MYO16: variants seen among roughly 807,000 people sequenced by gnomAD.
MYO16 encodes unconventional myosin-XVI.
A neutral mutation model predicts 205.3 loss-of-function variants in MYO16; 94 were observed. The ratio of observed to expected loss-of-function variants is 0.46; its 90% CI spans 0.39 to 0.54. The LOEUF is 0.54. MYO16 is among the 20% of genes least tolerant of loss of function. MYO16 has a pLI of 0.00. For missense variants in MYO16, 2,315 were observed against 2,387.5 expected, an observed-to-expected ratio of 0.97 and a Z score of 0.63; for synonymous variants, 988 against 954.0, an observed-to-expected ratio of 1.04 and a Z score of -0.66.
intron 16 of MYO16, among the ~76,000 whole-genome samples, chr13:108,917,269 C>G (rs565951735): frequency 2.1e-4 from 32 of 152,322 alleles, no homozygotes; most frequent in African/African-American, 7.5e-4. Flanking sequence ...TCCCGGGCCC[C>G]TAAGTTAAGG....
chr13:109,022,927 A>G (rs902315501), intron 23 of MYO16, among the ~76,000 whole-genome samples: 14 of 135,904 alleles, frequency 1.0e-4, no homozygotes, highest in African/African-American at 3.7e-4. Flanking sequence ...TATATATTAT[A>G]TACACATGTA....
In MYO16 at chr13:108,601,501, C is replaced by T. The variant is rs566502162; in HGVS notation, c.-39+5262C>T. Among the ~76,000 whole-genome samples the T allele has an allele frequency of 2.9e-3, 447 of 152,012 alleles. 1 individual carries two copies. The highest frequency in any genetic ancestry group is 9.8e-3 in the African/African-American group (406 of 41,474). The stretch of plus-strand genomic sequence containing the variant: ...ATGAATTATATGGTCATCTAAAATC[C>T]GATTGGGGACTAGACAGTTTATTTC... On this transcript the variant is annotated intron_variant, in intron 1 of 24. Transcript: ENST00000251041.
intron 20 of MYO16, among the ~76,000 whole-genome samples, chr13:108,966,866 C>T (rs116102016): frequency 6.6e-6 from 1 of 152,042 alleles, no homozygotes; most frequent in South Asian, 2.1e-4. Context: ...ACAGAAAAGT[C>T]TCAAAAATTT....
chr13:108,732,214 A>T (rs1007077664), intron 4 of MYO16, among the ~76,000 whole-genome samples: 1 of 152,240 alleles, frequency 6.6e-6, no homozygotes, highest in South Asian at 2.1e-4. Context: ...GAGACTGTGC[A>T]GCATTGATTC....
intron 21 of MYO16, among the ~76,000 whole-genome samples, chr13:108,996,361 C>G (rs1885003155): frequency 6.6e-6 from 1 of 152,122 alleles, no homozygotes; most frequent in South Asian, 2.1e-4. Context: ...TATCTAAAGA[C>G]ATGTACAACA....
chr13:108,848,400 A>C (rs1364681696), intron 10 of MYO16, among the ~76,000 whole-genome samples: 1 of 152,196 alleles, frequency 6.6e-6, no homozygotes, highest in Non-Finnish European at 1.5e-5. Flanking sequence ...GTTCACCTGC[A>C]CTATCTTAAT....
chr13:108,839,893 A>G (rs909007886), intron 9 of MYO16, among the ~76,000 whole-genome samples: 2 of 152,244 alleles, frequency 1.3e-5, no homozygotes, highest in African/African-American at 4.8e-5. Context: ...GATTGTAAAT[A>G]GGGTGAAATC....
intron 15 of MYO16, among the ~76,000 whole-genome samples, chr13:108,905,155 C>T (rs902728228): frequency 6.6e-6 from 1 of 152,080 alleles, no homozygotes; most frequent in African/African-American, 2.4e-5. Flanking sequence ...TGGAAAAGGG[C>T]CTTCTAGATC....
At chr13:109,083,383 CAAAAAAAAAAAAAAAAAAAAAA>C (rs71125367) in intron 27 of MYO16, among the ~76,000 whole-genome samples, 8 of 52,326 alleles carry the variant, frequency 1.5e-4, no homozygotes, top group South Asian at 9.4e-4. Context: ...AACTCCGTCT[CAAAAAAAAAAAAAAAAAAAAAA>C]AAAAAAAAAA....
intron 22 of MYO16, among the ~76,000 whole-genome samples, chr13:109,010,667 T>C (rs1171388854): frequency 2.6e-5 from 4 of 152,098 alleles, no homozygotes; most frequent in Non-Finnish European, 5.9e-5. Flanking sequence ...AACCTTGCAA[T>C]GGCTCATTTG....
chr13:108,816,055 G>A (rs1189100511), intron 7 of MYO16, among the ~76,000 whole-genome samples: 3 of 152,088 alleles, frequency 2.0e-5, no homozygotes, highest in Non-Finnish European at 1.5e-5. Context: ...AAGAAAAAAT[G>A]GTCTTCTCCA....
At chr13:109,111,922 A>G (rs1889300291) in intron 28 of MYO16, among the ~76,000 whole-genome samples, 2 of 152,100 alleles carry the variant, frequency 1.3e-5, no homozygotes, top group Non-Finnish European at 2.9e-5. Flanking sequence ...TCCTGACCTC[A>G]TGATCCACCC....
chr13:108,913,472 T>A (rs1436424913), intron 16 of MYO16, among the ~76,000 whole-genome samples: 5 of 152,240 alleles, frequency 3.3e-5, no homozygotes, highest in African/African-American at 1.2e-4. Flanking sequence ...AATGTTTAAA[T>A]TTAGGTTGGT....
intron 12 of MYO16, among the ~76,000 whole-genome samples, chr13:108,880,614 T>C (rs972925710): frequency 3.3e-5 from 5 of 152,190 alleles, no homozygotes; most frequent in Admixed American, 3.3e-4. Context: ...ATTTATTAAA[T>C]AGGGAATCCT....
At chr13:109,166,120 C>T (rs1878648597) in intron 33 of MYO16, among the ~76,000 whole-genome samples, 1 of 152,100 alleles carries the variant, frequency 6.6e-6, no homozygotes, top group Admixed American at 6.5e-5. Context: ...AAATTAAAAG[C>T]AGAGACGGCA....
rs183633229 is a variant in MYO16, at chr13:108,835,962, C to T, written c.1098-8381C>T. 4.6e-5 allele frequency among the ~76,000 whole-genome samples: 7 copies of T among 152,280 alleles called. No individual in the cohort carries two copies. In the East Asian group the frequency reaches 5.8e-4, roughly 13 times the overall value. ...ATTTCTTGGGGAAAAATTCAAGCCTCCTGCAGAAATTTGCATAAGTAACAA... is the reference window on the plus strand; with the variant it reads ...ATTTCTTGGGGAAAAATTCAAGCCTTCTGCAGAAATTTGCATAAGTAACAA... On this transcript the variant is annotated intron_variant, in intron 9 of 34. Transcript: ENST00000457511.
intron 1 of MYO16, among the ~76,000 whole-genome samples, chr13:108,607,860 G>C (rs1283040172): frequency 6.6e-6 from 1 of 152,138 alleles, no homozygotes; most frequent in African/African-American, 2.4e-5. Flanking sequence ...CCTTCCAGCT[G>C]CCATGCTTCT....
chr13:109,096,638 C>T (rs1236388016), intron 27 of MYO16, among the ~76,000 whole-genome samples: 1 of 152,146 alleles, frequency 6.6e-6, no homozygotes, highest in Non-Finnish European at 1.5e-5. Context: ...TGCGACTTAC[C>T]ATCTCCTGCT....
intron 21 of MYO16, among the ~76,000 whole-genome samples, chr13:108,995,583 TC>T (rs1233905735): frequency 6.6e-6 from 1 of 151,804 alleles, no homozygotes; most frequent in African/African-American, 2.4e-5. Context: ...ATGCTATCCC[TC>T]CCCCCTCTCC....
Sources: gnomAD v4.1 joint callset for allele counts (sites outside exome capture counted in the v4.1 genomes callset) on GRCh38, gnomAD v4.1.1 for gene constraint, MANE v1.5 for transcripts, NCBI Gene and HGNC (gene_info 2026-07-23, HGNC 2026-07-21) for gene names.